Variants in RIMS4 observed in about 807,000 individuals in gnomAD.
The protein encoded by RIMS4 is regulating synaptic membrane exocytosis protein 4.
RIMS4 carries 9 observed loss-of-function variants against 29.0 expected under a neutral mutation model. That is an observed-to-expected ratio of 0.31 (90% CI 0.19 to 0.54). The LOEUF is 0.54. RIMS4 is among the 20% of genes least tolerant of loss of function. The probability of loss-of-function intolerance (pLI) is 0.94; values close to 1 mark genes in which losing one functional copy is unlikely to be tolerated. For missense variants in RIMS4, 193 were observed against 365.7 expected (o/e 0.53, Z 3.85); for synonymous variants, 130 against 152.9 (o/e 0.85, Z 1.10).
chr20:44,796,331 T>G (rs767189460), intron 1 of RIMS4, among the ~76,000 whole-genome samples: 2 of 152,136 alleles, frequency 1.3e-5, no homozygotes, highest in Non-Finnish European at 2.9e-5. Context: ...TGTAATTCCA[T>G]GACAACAAAG....
chr20:44,778,249 T>C (rs1319726858), intron 1 of RIMS4, among the ~76,000 whole-genome samples: 1 of 152,210 alleles, frequency 6.6e-6, no homozygotes. Context: ...CCTGGAGCTA[T>C]AGGAATCTGC....
chr20:44,779,481 C>T (rs1444550395), intron 1 of RIMS4, among the ~76,000 whole-genome samples: 1 of 152,162 alleles, frequency 6.6e-6, no homozygotes, highest in African/African-American at 2.4e-5. Flanking sequence ...GTTTTCACTA[C>T]ATAAAATCAC....
At chr20:44,806,392 G>C (rs934007274) in intron 1 of RIMS4, among the ~76,000 whole-genome samples, 3 of 152,178 alleles carry the variant, frequency 2.0e-5, no homozygotes, top group Admixed American at 6.5e-5. Flanking sequence ...CAAATGAAGT[G>C]GTCAGGAAGA....
intron 2 of RIMS4, among the ~76,000 whole-genome samples, chr20:44,762,625 A>G (rs111470341): frequency 3.0e-4 from 46 of 152,324 alleles, no homozygotes; most frequent in African/African-American, 1.0e-3. Flanking sequence ...GTAATTGTTT[A>G]TAATATCTGG....
At chr20:44,770,991 C>T (rs2066134793) in intron 2 of RIMS4, among the ~76,000 whole-genome samples, 1 of 152,212 alleles carries the variant, frequency 6.6e-6, no homozygotes, top group Non-Finnish European at 1.5e-5. Flanking sequence ...CTGTTAATCC[C>T]ATTTTACAGA....
chr20:44,796,287 T>C (rs1227999095), intron 1 of RIMS4, among the ~76,000 whole-genome samples: 1 of 152,160 alleles, frequency 6.6e-6, no homozygotes, highest in South Asian at 2.1e-4. Flanking sequence ...AGCTGTGTAA[T>C]GTCCAACAAC....
chr20:44,786,984 T>C lies in RIMS4; in HGVS notation c.98-15571A>G, dbSNP rs137861765. On this transcript the variant is annotated intron_variant, in intron 1 of 5. Coordinates refer to ENST00000372851, the MANE Select transcript of RIMS4 (RefSeq NM_182970.4). The stretch of plus-strand genomic sequence containing the variant: ...AACGAACTGTCCTCCTGAATCTCCA[T>C]GCTAGGAGAGGCAAGCAAACATCAA... 1.4e-3 allele frequency among the ~76,000 whole-genome samples: 216 copies of C among 152,282 alleles called. 2 individuals are homozygous for C. Among genetic ancestry groups the C allele is most frequent in the African/African-American group, 4.9e-3 (205 of 41,550 alleles).
rs2066060315 is a variant in RIMS4, at chr20:44,756,394, C to T, written c.592-42G>A. The T allele has an allele frequency of 1.9e-6, 3 of 1,543,722 alleles. No homozygotes were observed. Among genetic ancestry groups the T allele is most frequent in the Non-Finnish European group, 1.8e-6 (2 of 1,125,132 alleles). On this transcript the variant is annotated intron_variant, in intron 5 of 5. Coordinates refer to ENST00000372851, the MANE Select transcript of RIMS4 (RefSeq NM_182970.4). The surrounding 1 kb of genome is among the most constrained non-coding windows in gnomAD (Gnocchi z 5.9). ...ACAGTGGTTCAAATCCTGCCAGTGC[C>T]ACTCACAGGCCCAGAAGCAGAACCT... is the stretch of plus-strand genomic sequence containing the variant.
chr20:44,799,490 A>C (rs183138647), intron 1 of RIMS4, among the ~76,000 whole-genome samples: 4 of 152,092 alleles, frequency 2.6e-5, no homozygotes, highest in African/African-American at 9.6e-5. Flanking sequence ...CCCCGGAGGC[A>C]CCTGGTCCAG....
intron 2 of RIMS4, among the ~76,000 whole-genome samples, chr20:44,770,177 T>C (rs1014052546): frequency 3.9e-5 from 6 of 152,266 alleles, no homozygotes; most frequent in Middle Eastern, 3.4e-3. Flanking sequence ...CTTTAGACGA[T>C]AGCTAGGACC....
At chr20:44,757,959 G>A (rs2066067838) in intron 3 of RIMS4, 113 bp downstream of exon 3, 10 of 961,258 alleles carry the variant, frequency 1.0e-5, no homozygotes, top group Admixed American at 9.9e-5. Context: ...GGCTCTAGGC[G>A]GCATGCGCAG....
At chr20:44,793,493 G>A (rs904854279) in intron 1 of RIMS4, among the ~76,000 whole-genome samples, 2 of 151,990 alleles carry the variant, frequency 1.3e-5, no homozygotes, top group East Asian at 1.9e-4. Context: ...GCCGGCTGTC[G>A]CCTCCACAAA....
chr20:44,790,855 C>T (rs1008647437), intron 1 of RIMS4, among the ~76,000 whole-genome samples: 5 of 152,236 alleles, frequency 3.3e-5, no homozygotes, highest in Admixed American at 3.3e-4. Context: ...CAGGGCCAGG[C>T]ATAGAATAAA....
In RIMS4 at chr20:44,754,082, G is replaced by A. The variant is rs1171331494; in HGVS notation, c.*2052C>T. ...CTGGCTCAAAATATTCCAATGGTAA[G>A]TAATAAACGAACAGCAGAGAAATCA... is the stretch of plus-strand genomic sequence containing the variant. On this transcript the variant is annotated 3_prime_UTR_variant, in exon 6 of 6. Transcript: ENST00000372851. 2.0e-5 allele frequency: 3 copies of A among 152,272 alleles called. No homozygotes were observed. Among genetic ancestry groups the A allele is most frequent in the African/African-American group, 7.2e-5 (3 of 41,456 alleles). The allele number at this position is 152,272 out of a possible 1,614,324, so 9.4% of individuals were successfully genotyped here.
At chr20:44,809,041 CAA>C (rs2066311264) in intron 1 of RIMS4, among the ~76,000 whole-genome samples, 1 of 152,118 alleles carries the variant, frequency 6.6e-6, no homozygotes, top group South Asian at 2.1e-4. Flanking sequence ...CCATTGAATT[CAA>C]AGACTCTCGG....
intron 1 of RIMS4, among the ~76,000 whole-genome samples, chr20:44,793,706 G>A (rs1233642941): frequency 6.6e-6 from 1 of 152,186 alleles, no homozygotes; most frequent in Non-Finnish European, 1.5e-5. Context: ...GGCCTGACTG[G>A]AGGAGGGTCA....
chr20:44,767,231 C>G (rs2066117691), intron 2 of RIMS4, among the ~76,000 whole-genome samples: 1 of 152,204 alleles, frequency 6.6e-6, no homozygotes, highest in African/African-American at 2.4e-5. Context: ...TAGGGAGTAT[C>G]TCAGGATTAG....
chr20:44,765,798 T>C (rs2066110980), intron 2 of RIMS4, among the ~76,000 whole-genome samples: 1 of 152,032 alleles, frequency 6.6e-6, no homozygotes, highest in Non-Finnish European at 1.5e-5. Context: ...GACCCAGACA[T>C]CTCGGGACAA....
intron 1 of RIMS4, among the ~76,000 whole-genome samples, chr20:44,772,124 A>G (rs1357000852): frequency 6.6e-6 from 1 of 152,072 alleles, no homozygotes; most frequent in East Asian, 1.9e-4. Flanking sequence ...GTGGGAGAAT[A>G]ACAGGCTCTT....
Sources: gnomAD v4.1 joint callset for allele counts (sites outside exome capture counted in the v4.1 genomes callset) on GRCh38, gnomAD v4.1.1 for gene constraint, Gnocchi (gnomAD v3.1) non-coding constraint, MANE v1.5 for transcripts, NCBI Gene and HGNC (gene_info 2026-07-23, HGNC 2026-07-21) for gene names.